GRM7: variants seen among roughly 807,000 people sequenced by gnomAD.
GRM7 encodes the protein glutamate metabotropic receptor 7, also known as metabotropic glutamate receptor 7.
In GRM7, 35 loss-of-function variants were observed where a neutral mutation model predicts 84.5. That is an observed-to-expected ratio of 0.41 (90% confidence interval 0.32 to 0.55). GRM7 has a LOEUF of 0.55. Ranked by LOEUF, GRM7 falls within the 20% of genes least tolerant of loss-of-function variation. The pLI is 0.19. For synonymous variants in GRM7, 487 were observed against 455.1 expected, an observed-to-expected ratio of 1.07 and a Z score of -0.89; for missense variants, 1,003 against 1,194.6, an observed-to-expected ratio of 0.84 and a Z score of 2.36.
intron 3 of GRM7, 28 bp from the exon 4 acceptor site, chr3:7,306,470 A>C: frequency 6.2e-7 from 1 of 1,601,456 alleles, no homozygotes; most frequent in Non-Finnish European, 8.6e-7. Context: ...TTTATCATTA[A>C]TATAACTTTC....
At chr3:7,231,416 T>C (rs1437242779) in intron 2 of GRM7, among the ~76,000 whole-genome samples, 1 of 152,206 alleles carries the variant, frequency 6.6e-6, no homozygotes, top group African/African-American at 2.4e-5. Context: ...AAAATATTTT[T>C]ATCTGAAATC....
chr3:7,354,760 G>C (rs1693317048), intron 4 of GRM7, among the ~76,000 whole-genome samples: 1 of 152,084 alleles, frequency 6.6e-6, no homozygotes. Flanking sequence ...TGGTTTTATT[G>C]CTTGAAAAAG....
At chr3:7,282,245 A>G (rs529756613) in intron 2 of GRM7, among the ~76,000 whole-genome samples, 1 of 152,364 alleles carries the variant, frequency 6.6e-6, no homozygotes, top group South Asian at 2.1e-4. Flanking sequence ...ATACAGATGC[A>G]TTATCTTACT....
At chr3:7,200,493 C>T (rs1696029602) in intron 2 of GRM7, among the ~76,000 whole-genome samples, 1 of 152,034 alleles carries the variant, frequency 6.6e-6, no homozygotes, top group Non-Finnish European at 1.5e-5. Context: ...GGGGTGAAGC[C>T]CAAGTTTCTG....
intron 2 of GRM7, among the ~76,000 whole-genome samples, chr3:7,288,242 A>G (rs1438510946): frequency 6.6e-6 from 1 of 152,130 alleles, no homozygotes. Flanking sequence ...CTAATTCACC[A>G]CATGAAAAGA....
chr3:6,971,782 C>G (rs1024767423), intron 1 of GRM7, among the ~76,000 whole-genome samples: 1 of 151,866 alleles, frequency 6.6e-6, no homozygotes. Flanking sequence ...TAAGAAATTC[C>G]TTATAGTGAT....
intron 2 of GRM7, among the ~76,000 whole-genome samples, chr3:7,289,239 C>G (rs1699535744): frequency 6.6e-6 from 1 of 152,142 alleles, no homozygotes; most frequent in Non-Finnish European, 1.5e-5. Context: ...AAAGGAACAG[C>G]TTGCTTTGCA....
chr3:7,102,326 A>G (rs886355200), intron 1 of GRM7, among the ~76,000 whole-genome samples: 3 of 151,662 alleles, frequency 2.0e-5, no homozygotes, highest in African/African-American at 7.3e-5. Context: ...ATTTTGGTTA[A>G]TAATTCATTA....
chr3:7,457,591 C>T (rs902967369), intron 6 of GRM7, among the ~76,000 whole-genome samples: 2 of 152,132 alleles, frequency 1.3e-5, no homozygotes, highest in Non-Finnish European at 2.9e-5. Flanking sequence ...TGGCAGATCT[C>T]ACATGCTTTT....
intron 1 of GRM7, among the ~76,000 whole-genome samples, chr3:6,882,273 A>T (rs1229418098): frequency 6.6e-6 from 1 of 152,212 alleles, no homozygotes; most frequent in Non-Finnish European, 1.5e-5. Context: ...GCCATGTTGC[A>T]GGGTAATTGG....
intron 7 of GRM7, among the ~76,000 whole-genome samples, chr3:7,466,148 T>C (rs1575379589): frequency 6.6e-6 from 1 of 152,148 alleles, no homozygotes; most frequent in Non-Finnish European, 1.5e-5. Context: ...GAAGGGACAA[T>C]GCAACAAACA....
chr3:7,271,203 A>G (rs912938273), intron 2 of GRM7, among the ~76,000 whole-genome samples: 1 of 152,200 alleles, frequency 6.6e-6, no homozygotes, highest in African/African-American at 2.4e-5. Flanking sequence ...AAGAGGAAAA[A>G]AAAGTTTTAA....
At chr3:7,030,249 G>A (rs1003343110) in intron 1 of GRM7, among the ~76,000 whole-genome samples, 4 of 152,208 alleles carry the variant, frequency 2.6e-5, no homozygotes, top group Admixed American at 2.6e-4. Context: ...AGTCTAATCT[G>A]TAGTGACAGA....
chr3:7,561,479 G>A (rs1205087876), intron 7 of GRM7: 1 of 456,310 alleles, frequency 2.2e-6, no homozygotes, highest in East Asian at 7.0e-5. Flanking sequence ...AGAATTACAA[G>A]ATGATGTTAG....
rs569885084 is a variant in GRM7 at position 7,419,616 on chromosome 3, G to A, written c.1174+4453G>A. ...AACCTGAATATGTTTGCCTATGACT[G>A]GGCAACATCTTATGGCTTATCAGTC... On this transcript the variant is annotated intron_variant, in intron 5 of 9. Coordinates refer to ENST00000357716, the MANE Select transcript of GRM7 (RefSeq NM_000844.4). Among the ~76,000 whole-genome samples the A allele has an allele frequency of 1.1e-4, 16 of 152,182 alleles. No individual in the cohort carries two copies. The South Asian group carries it at 3.1e-3, about 30-fold the overall frequency.
intron 7 of GRM7, among the ~76,000 whole-genome samples, chr3:7,568,523 G>A (rs1025228231): frequency 5.3e-5 from 8 of 152,246 alleles, no homozygotes; most frequent in East Asian, 1.9e-4. Context: ...TCAGCCTGCC[G>A]CTGCACTGTG....
At chr3:7,417,514 G>C (rs1476298051) in intron 5 of GRM7, among the ~76,000 whole-genome samples, 1 of 152,090 alleles carries the variant, frequency 6.6e-6, no homozygotes, top group Non-Finnish European at 1.5e-5. Flanking sequence ...AAGGTAACCT[G>C]GTTGCATGCT....
At chr3:7,021,650 G>A (rs1354297630) in intron 1 of GRM7, among the ~76,000 whole-genome samples, 1 of 152,172 alleles carries the variant, frequency 6.6e-6, no homozygotes, top group Non-Finnish European at 1.5e-5. Context: ...TTAAGACAAA[G>A]TAGTTTTTAA....
chr3:6,877,937 C>T (rs62237236), intron 1 of GRM7, among the ~76,000 whole-genome samples: 6,049 of 136,508 alleles, frequency 0.044, 168 homozygotes, highest in Non-Finnish European at 0.061. Flanking sequence ...TCAGATTTAA[C>T]TCAATAACTT....
Sources: gnomAD v4.1 joint callset for allele counts (sites outside exome capture counted in the v4.1 genomes callset) on GRCh38, gnomAD v4.1.1 for gene constraint, MANE v1.5 for transcripts, NCBI Gene and HGNC (gene_info 2026-07-23, HGNC 2026-07-21) for gene names.